Variants in KIRREL3 observed in about 807,000 individuals in gnomAD.
KIRREL3 encodes kirre like nephrin family adhesion molecule 3.
A neutral mutation model predicts 89.7 loss-of-function variants in KIRREL3; 36 were observed. The ratio of observed to expected loss-of-function variants is 0.40; its 90% CI spans 0.31 to 0.53. The LOEUF (loss-of-function observed/expected upper bound fraction) is 0.53, where lower values mean the gene tolerates loss of function less well. Ranked by LOEUF, KIRREL3 falls within the 20% of genes least tolerant of loss-of-function variation. The probability of loss-of-function intolerance (pLI) is 0.49; values close to 1 mark genes in which losing one functional copy is unlikely to be tolerated. For missense variants in KIRREL3, 864 were observed against 1,056.6 expected, an observed-to-expected ratio of 0.82 and a Z score of 2.53; for synonymous variants, 445 against 441.4, an observed-to-expected ratio of 1.01 and a Z score of -0.10.
At chr11:126,803,381 G>T (rs1320473552) in intron 1 of KIRREL3, among the ~76,000 whole-genome samples, 1 of 152,156 alleles carries the variant, frequency 6.6e-6, no homozygotes, top group Non-Finnish European at 1.5e-5. Context: ...TATGAGAGGT[G>T]CATTGGAGAG....
At chr11:126,933,140 G>A (rs1948026840) in intron 1 of KIRREL3, among the ~76,000 whole-genome samples, 1 of 152,098 alleles carries the variant, frequency 6.6e-6, no homozygotes, top group Admixed American at 6.5e-5. Context: ...TAATTGGAAG[G>A]GAACAAACCA....
rs1557489 is a variant in KIRREL3, at chr11:126,812,962, C to G, written c.55+187493G>C. On this transcript the variant is annotated intron_variant, in intron 1 of 16. Coordinates refer to ENST00000525144, the MANE Select transcript of KIRREL3 (RefSeq NM_032531.4). The surrounding 1 kb of genome is among the most constrained non-coding windows in gnomAD (Gnocchi z 5.2). ...GCAGTTCACGGCCCAGGTGAGACCA[C>G]ACTGCAGAACATAATGTGCAGATCA... Among the ~76,000 whole-genome samples, 34,878 of 152,106 alleles carry G rather than the reference C, an allele frequency of 0.23. 4,656 individuals are homozygous for G. Among genetic ancestry groups the G allele is most frequent in the Non-Finnish European group, 0.31 (20,835 of 67,964 alleles).
rs184531735 is a variant in KIRREL3, at chr11:126,491,152, C to T, written c.434-17686G>A. 1.3e-5 allele frequency among the ~76,000 whole-genome samples: 2 copies of T among 152,292 alleles called. No individual in the cohort carries two copies. The highest frequency in any genetic ancestry group is 2.4e-5 in the African/African-American group (1 of 41,552). On this transcript the variant is annotated intron_variant, in intron 4 of 16. Coordinates refer to ENST00000525144, the MANE Select transcript of KIRREL3 (RefSeq NM_032531.4). The surrounding 1 kb of genome is among the most constrained non-coding windows in gnomAD (Gnocchi z 5.5). ...TCTCCAGGCCACCACTTTCTACCTGCGTGGACTCTGGCGAGTTGCACCTCC... is the reference window on the plus strand; with the variant it reads ...TCTCCAGGCCACCACTTTCTACCTGTGTGGACTCTGGCGAGTTGCACCTCC...
chr11:126,827,359 G>A (rs1433976665), intron 1 of KIRREL3, among the ~76,000 whole-genome samples: 1 of 152,042 alleles, frequency 6.6e-6, no homozygotes, highest in Non-Finnish European at 1.5e-5. Flanking sequence ...TGCATTTTTA[G>A]TAGAGATGGG....
Position 126,947,824 on chromosome 11 carries a change from C to G in KIRREL3, c.55+52631G>C, listed in dbSNP as rs530470134. Among the ~76,000 whole-genome samples, 5 of 152,320 alleles carry G rather than the reference C, an allele frequency of 3.3e-5. No individual in the cohort carries two copies. The South Asian group carries it at 8.3e-4, about 25-fold the overall frequency. ...TTCTCCAAAACAATGGCTGGCTGTT[C>G]AGACTAATCAGACATTGGTATAATC... On this transcript the variant is annotated intron_variant, in intron 1 of 16. Transcript: ENST00000525144.
intron 2 of KIRREL3, among the ~76,000 whole-genome samples, chr11:126,534,373 G>A (rs1250545685): frequency 2.6e-5 from 4 of 152,228 alleles, no homozygotes; most frequent in Non-Finnish European, 4.4e-5. Context: ...GCATGAACCT[G>A]CCTGGGCATG....
chr11:126,725,014 C>T (rs1161399662), intron 1 of KIRREL3, among the ~76,000 whole-genome samples: 1 of 152,154 alleles, frequency 6.6e-6, no homozygotes, highest in African/African-American at 2.4e-5. Flanking sequence ...TGAGGGGTTT[C>T]AGTGGAAAGT....
At chr11:126,958,241 A>G (rs576169073) in intron 1 of KIRREL3, among the ~76,000 whole-genome samples, 1 of 152,380 alleles carries the variant, frequency 6.6e-6, no homozygotes, top group East Asian at 1.9e-4. Context: ...AATTGTGACC[A>G]TTAGTTAGGC....
At chr11:126,930,411 G>C (rs540640292) in intron 1 of KIRREL3, among the ~76,000 whole-genome samples, 1 of 152,170 alleles carries the variant, frequency 6.6e-6, no homozygotes, top group African/African-American at 2.4e-5. Flanking sequence ...GAATTGGGCT[G>C]CTCCAGGCTG....
chr11:126,448,188 C>A (rs1444164134), intron 8 of KIRREL3, among the ~76,000 whole-genome samples: 1 of 145,408 alleles, frequency 6.9e-6, no homozygotes, highest in Non-Finnish European at 1.5e-5. Context: ...GAGGCTGAGG[C>A]AGGAGAATCT....
chr11:126,959,772 G>A (rs1565458284), intron 1 of KIRREL3, among the ~76,000 whole-genome samples: 1 of 147,050 alleles, frequency 6.8e-6, no homozygotes, highest in South Asian at 2.2e-4. Flanking sequence ...ACCCAACCTG[G>A]GGGCCACCTC....
chr11:126,536,952 C>T (rs527306477), intron 2 of KIRREL3, among the ~76,000 whole-genome samples: 3 of 152,192 alleles, frequency 2.0e-5, no homozygotes, highest in African/African-American at 7.2e-5. Flanking sequence ...AACCCCTGTG[C>T]AGTTCTCTTT....
chr11:126,520,686 A>G lies in KIRREL3; in HGVS notation c.433+629T>C, dbSNP rs1256030818. Among the ~76,000 whole-genome samples, 3 of 152,290 alleles carry G rather than the reference A, an allele frequency of 2.0e-5. No homozygotes were observed. Among genetic ancestry groups the G allele is most frequent in the Admixed American group, 6.5e-5 (1 of 15,304 alleles). ...CTGTCTTCAGGCAAGATGATCCAGG[A>G]ACGCTGGGCTCCTGGGAACATAAGA... On this transcript the variant is annotated intron_variant, in intron 4 of 16. Coordinates refer to ENST00000525144, the MANE Select transcript of KIRREL3 (RefSeq NM_032531.4). The surrounding 1 kb of genome is among the most constrained non-coding windows in gnomAD (Gnocchi z 4.9).
chr11:126,878,512 C>T (rs534764552), intron 1 of KIRREL3, among the ~76,000 whole-genome samples: 1 of 151,898 alleles, frequency 6.6e-6, no homozygotes, highest in Non-Finnish European at 1.5e-5. Context: ...ATGAAAAGTG[C>T]ATTTTAACCC....
intron 1 of KIRREL3, among the ~76,000 whole-genome samples, chr11:126,732,755 G>T (rs1163201474): frequency 1.3e-5 from 2 of 152,230 alleles, no homozygotes; most frequent in South Asian, 4.1e-4. Context: ...GGAAGCTTAT[G>T]CCCAAGGAGA....
At chr11:126,717,412 C>A (rs1948008162) in intron 1 of KIRREL3, among the ~76,000 whole-genome samples, 1 of 152,200 alleles carries the variant, frequency 6.6e-6, no homozygotes, top group Admixed American at 6.5e-5. Context: ...CTATGTGAAC[C>A]AGCAGTGATA....
At chr11:126,706,682 T>A (rs1947540285) in intron 1 of KIRREL3, among the ~76,000 whole-genome samples, 1 of 152,238 alleles carries the variant, frequency 6.6e-6, no homozygotes. Flanking sequence ...AATAAATTTT[T>A]AAAAATCATT....
chr11:126,862,042 C>T (rs1345777565), intron 1 of KIRREL3, among the ~76,000 whole-genome samples: 1 of 152,212 alleles, frequency 6.6e-6, no homozygotes, highest in African/African-American at 2.4e-5. Context: ...CAGTTAGCGG[C>T]CCTGAGGAAT....
At chr11:126,914,803 A>G (rs998115444) in intron 1 of KIRREL3, among the ~76,000 whole-genome samples, 2 of 152,266 alleles carry the variant, frequency 1.3e-5, no homozygotes, top group Non-Finnish European at 2.9e-5. Context: ...TGAGACCTCA[A>G]TATTATGACA....
Sources: gnomAD v4.1 joint callset for allele counts (sites outside exome capture counted in the v4.1 genomes callset) on GRCh38, gnomAD v4.1.1 for gene constraint, Gnocchi (gnomAD v3.1) non-coding constraint, MANE v1.5 for transcripts, NCBI Gene and HGNC (gene_info 2026-07-23, HGNC 2026-07-21) for gene names.